The following DMD variants were observed in gnomAD, a reference collection of about 807,000 sequenced individuals.
DMD encodes mutant dystrophin.
In DMD, 63 loss-of-function variants were observed where a neutral mutation model predicts 330.1. The ratio of observed to expected loss-of-function variants is 0.19; its 90% CI spans 0.16 to 0.24. DMD has a LOEUF of 0.24. Ranked by LOEUF, DMD falls within the 10% of genes least tolerant of loss-of-function variation. DMD has a pLI of 1.00. For missense variants in DMD, 3,344 were observed against 2,684.1 expected, an observed-to-expected ratio of 1.25 and a Z score of -5.43; for synonymous variants, 1,223 against 959.8, an observed-to-expected ratio of 1.27 and a Z score of -5.07.
intron 2 of DMD, among the ~76,000 whole-genome samples, chrX:32,856,053 A>G (rs1009978831): frequency 8.9e-6 from 1 of 112,509 alleles, no homozygotes; most frequent in Non-Finnish European, 1.9e-5. Flanking sequence ...AAAGAGGAAT[A>G]TGAAAAGGTT....
intron 1 of DMD, among the ~76,000 whole-genome samples, chrX:33,265,269 C>T (rs1408057556): frequency 9.0e-6 from 1 of 110,633 alleles, no homozygotes; most frequent in Non-Finnish European, 1.9e-5. Context: ...ATTCAACACA[C>T]CCGGAGGGCT....
chrX:32,937,333 C>T (rs1274077289), intron 2 of DMD, among the ~76,000 whole-genome samples: 1 of 109,459 alleles, frequency 9.1e-6, no homozygotes, highest in Non-Finnish European at 1.9e-5. Flanking sequence ...CACTGTACTC[C>T]TCCTGCTGCA....
intron 1 of DMD, among the ~76,000 whole-genome samples, chrX:33,022,706 A>G (rs2093936603): frequency 9.0e-6 from 1 of 111,687 alleles, no homozygotes; most frequent in African/African-American, 3.2e-5. Flanking sequence ...ATTAAGTGAC[A>G]GAAATGAACT....
In DMD at chrX:33,149,020, C is replaced by T. The variant is rs779466130; in HGVS notation, c.31+62262G>A. Among the ~76,000 whole-genome samples the T allele has an allele frequency of 3.6e-5, 4 of 110,225 alleles. No individual in the cohort carries two copies. In the South Asian group the frequency reaches 1.6e-3, roughly 43 times the overall value. ...CCAGAGACTGGGGTTTGATGGATGA[C>T]AATTTTCCCACAGACTGGGGTTAGT... On this transcript the variant is annotated intron_variant, in intron 1 of 78. Transcript: ENST00000357033.
intron 7 of DMD, among the ~76,000 whole-genome samples, chrX:32,757,370 C>G: frequency 9.0e-6 from 1 of 111,481 alleles, no homozygotes; most frequent in East Asian, 2.8e-4. Context: ...CACATTCTAT[C>G]TAGTTTTAGC....
At chrX:31,872,093 C>G (rs973769258) in intron 48 of DMD, among the ~76,000 whole-genome samples, 4 of 106,420 alleles carry the variant, frequency 3.8e-5, no homozygotes, top group Non-Finnish European at 7.7e-5. Context: ...TCCCCTCCCC[C>G]CACCTTGAAC....
intron 9 of DMD, among the ~76,000 whole-genome samples, chrX:32,652,034 A>G (rs1156632331): frequency 9.0e-6 from 1 of 111,613 alleles, no homozygotes; most frequent in African/African-American, 3.3e-5. Context: ...TGCTCCAGTT[A>G]AGAAGACAAA....
chrX:31,999,494 T>C (rs942734678), intron 44 of DMD, among the ~76,000 whole-genome samples: 2 of 112,027 alleles, frequency 1.8e-5, no homozygotes, highest in Admixed American at 9.5e-5. Context: ...AGAAGAACCA[T>C]ATAAAAGGAA....
intron 43 of DMD, among the ~76,000 whole-genome samples, chrX:32,226,545 C>G (rs141394255): frequency 0.018 from 1,988 of 111,576 alleles, 44 homozygotes; most frequent in African/African-American, 0.061. Flanking sequence ...TGGTACTAAG[C>G]GCTGTTCCTG....
At chrX:32,467,585 A>G (rs948889013) in intron 23 of DMD, among the ~76,000 whole-genome samples, 3 of 109,309 alleles carry the variant, frequency 2.7e-5, no homozygotes, top group African/African-American at 1.0e-4. Context: ...GATATATATT[A>G]CATTAGATAT....
chrX:32,452,841 A>G (rs1159492238), intron 26 of DMD, among the ~76,000 whole-genome samples: 1 of 110,834 alleles, frequency 9.0e-6, no homozygotes, highest in Non-Finnish European at 1.9e-5. Flanking sequence ...ATATTTGCCC[A>G]CCTCCTAAGA....
intron 7 of DMD, among the ~76,000 whole-genome samples, chrX:32,800,986 T>A (rs999949049): frequency 1.8e-5 from 2 of 111,494 alleles, no homozygotes; most frequent in Admixed American, 9.6e-5. Flanking sequence ...GTCTTTGCTA[T>A]TGTGAATAGT....
intron 2 of DMD, among the ~76,000 whole-genome samples, chrX:32,955,437 G>C (rs759861433): frequency 9.1e-6 from 1 of 110,095 alleles, no homozygotes; most frequent in African/African-American, 3.3e-5. Flanking sequence ...CTGGATTTTA[G>C]ACCTTTGTCG....
chrX:31,347,036 A>AAAAC (rs2058130952), intron 61 of DMD, among the ~76,000 whole-genome samples: 1 of 46,782 alleles, frequency 2.1e-5, no homozygotes, highest in Non-Finnish European at 3.5e-5. Context: ...AAAAAAAAAA[A>AAAAC]GGAAGGATGC....
At chrX:32,572,383 C>T (rs1317041828) in intron 15 of DMD, among the ~76,000 whole-genome samples, 1 of 111,077 alleles carries the variant, frequency 9.0e-6, no homozygotes, top group East Asian at 2.8e-4. Flanking sequence ...TACTTACAAC[C>T]ATTTTGTTTT....
intron 44 of DMD, among the ~76,000 whole-genome samples, chrX:32,157,945 T>G (rs897507032): frequency 3.6e-5 from 4 of 112,007 alleles, no homozygotes; most frequent in Non-Finnish European, 7.5e-5. Flanking sequence ...AAAGAGAAAT[T>G]AGAATTGAAA....
chrX:32,792,446 A>G (rs992133778), intron 7 of DMD, among the ~76,000 whole-genome samples: 2 of 112,225 alleles, frequency 1.8e-5, no homozygotes, highest in South Asian at 7.3e-4. Flanking sequence ...AATAAAATGA[A>G]AGAAATAAGC....
intron 62 of DMD, among the ~76,000 whole-genome samples, chrX:31,317,496 A>G (rs1187915315): frequency 9.5e-6 from 1 of 105,106 alleles, no homozygotes; most frequent in Non-Finnish European, 1.9e-5. Context: ...TGTCTGGAAT[A>G]AGAAATGAGG....
intron 30 of DMD, among the ~76,000 whole-genome samples, chrX:32,396,636 T>C (rs779896911): frequency 1.2e-3 from 131 of 111,160 alleles, no homozygotes; most frequent in African/African-American, 4.0e-3. Context: ...GAGTGCATCA[T>C]ACAAGTAGAT....
Sources: gnomAD v4.1 joint callset for allele counts (sites outside exome capture counted in the v4.1 genomes callset) on GRCh38, gnomAD v4.1.1 for gene constraint, MANE v1.5 for transcripts, NCBI Gene and HGNC (gene_info 2026-07-23, HGNC 2026-07-21) for gene names.